Variants in ATXN1 observed in about 807,000 individuals in gnomAD.
The protein encoded by ATXN1 is ataxin 1, also known as ataxin-1.
ATXN1 carries 8 observed loss-of-function variants against 56.4 expected under a neutral mutation model. The observed-to-expected ratio is 0.14, with a 90% CI of 0.08 to 0.26. ATXN1 has a LOEUF of 0.26. Among genes scored for constraint, ATXN1 ranks in the 10% least tolerant of loss-of-function variants. The probability of loss-of-function intolerance (pLI) is 1.00; values close to 1 mark genes in which losing one functional copy is unlikely to be tolerated. For missense variants in ATXN1, 987 were observed against 1,106.5 expected (o/e 0.89, Z 1.53); for synonymous variants, 514 against 494.6 (o/e 1.04, Z -0.52).
chr6:16,416,730 A>C (rs56144015), intron 6 of ATXN1, among the ~76,000 whole-genome samples: 18,911 of 152,132 alleles, frequency 0.12, 1,347 homozygotes, highest in Non-Finnish European at 0.16. Context: ...ATCCCATCAC[A>C]TTTTCACCGC....
At chr6:16,356,943 A>T (rs1250799381) in intron 6 of ATXN1, among the ~76,000 whole-genome samples, 1 of 152,220 alleles carries the variant, frequency 6.6e-6, no homozygotes, top group Admixed American at 6.5e-5. Context: ...TAAAAAGCTA[A>T]TATGGAGGAC....
intron 6 of ATXN1, among the ~76,000 whole-genome samples, chr6:16,347,619 T>C (rs1298188592): frequency 6.6e-6 from 1 of 152,140 alleles, no homozygotes; most frequent in Non-Finnish European, 1.5e-5. Flanking sequence ...TGTATCTAGC[T>C]ACTCTGGTGG....
At chr6:16,635,222 C>T (rs954135731) in intron 3 of ATXN1, among the ~76,000 whole-genome samples, 18 of 152,182 alleles carry the variant, frequency 1.2e-4, no homozygotes, top group Admixed American at 1.2e-3. Context: ...CTGTCACTGT[C>T]TCCCATCACC....
chr6:16,342,253 C>T (rs1248900798), intron 6 of ATXN1, among the ~76,000 whole-genome samples: 1 of 152,010 alleles, frequency 6.6e-6, no homozygotes, highest in East Asian at 1.9e-4. Context: ...CGTGTTCTAA[C>T]CTCCTTTAAT....
At chr6:16,505,860 C>T (rs991184356) in intron 5 of ATXN1, among the ~76,000 whole-genome samples, 4 of 152,158 alleles carry the variant, frequency 2.6e-5, no homozygotes, top group African/African-American at 9.7e-5. Context: ...CTTCACTTGC[C>T]AGAGTAAATG....
intron 6 of ATXN1, among the ~76,000 whole-genome samples, chr6:16,468,251 T>G (rs759735851): frequency 6.6e-6 from 1 of 152,226 alleles, no homozygotes. Flanking sequence ...AGTGGCACGA[T>G]CTTGGCTCAC....
rs1207801448 is a variant in ATXN1 at position 16,304,308 on chromosome 6, T to G, written c.*2021A>C. 6.6e-6 allele frequency: 1 copy of G among 152,614 alleles called. No individual in the cohort carries two copies. Among genetic ancestry groups the G allele is most frequent in the Non-Finnish European group, 1.5e-5 (1 of 68,034 alleles). 9.5% of individuals were successfully genotyped at this position (152,614 alleles called of 1,614,324 possible). On this transcript the variant is annotated 3_prime_UTR_variant, in exon 8 of 8. Coordinates refer to ENST00000436367, the MANE Select transcript of ATXN1 (RefSeq NM_001128164.2). ...TCTCCCTACTTATAAAACTTTTTTT[T>G]AAAGCACTTTAAAGATGCATTCAAA...
At chr6:16,635,653 C>T (rs890850751) in intron 3 of ATXN1, among the ~76,000 whole-genome samples, 6 of 152,220 alleles carry the variant, frequency 3.9e-5, no homozygotes, top group African/African-American at 1.4e-4. Flanking sequence ...GGCAAAAACA[C>T]AGTCGTTATC....
intron 5 of ATXN1, among the ~76,000 whole-genome samples, chr6:16,505,818 A>G (rs142318620): frequency 5.9e-5 from 9 of 152,316 alleles, no homozygotes; most frequent in Non-Finnish European, 1.3e-4. Context: ...CTATGCGTCT[A>G]TCTTTTAAAC....
intron 5 of ATXN1, among the ~76,000 whole-genome samples, chr6:16,512,688 G>T (rs1381608854): frequency 1.3e-5 from 2 of 152,132 alleles, no homozygotes; most frequent in East Asian, 3.8e-4. Context: ...TAAAAGTTCT[G>T]CCCACAGATT....
chr6:16,386,715 GA>G (rs1758250193), intron 6 of ATXN1, among the ~76,000 whole-genome samples: 1 of 152,064 alleles, frequency 6.6e-6, no homozygotes, highest in Non-Finnish European at 1.5e-5. Flanking sequence ...AAGAAATGAA[GA>G]AACGCATATT....
At chr6:16,464,649 C>A (rs1030902692) in intron 6 of ATXN1, among the ~76,000 whole-genome samples, 1 of 151,782 alleles carries the variant, frequency 6.6e-6, no homozygotes, top group Non-Finnish European at 1.5e-5. Flanking sequence ...GAAACTTACA[C>A]GCATATTGCC....
chr6:16,465,682 G>A (rs1760091032), intron 6 of ATXN1, among the ~76,000 whole-genome samples: 1 of 152,098 alleles, frequency 6.6e-6, no homozygotes, highest in African/African-American at 2.4e-5. Context: ...AGAGCCACAA[G>A]CCTCCAGTTC....
chr6:16,346,946 G>GCTGTGGGCT (rs1413658691), intron 6 of ATXN1, among the ~76,000 whole-genome samples: 2 of 152,228 alleles, frequency 1.3e-5, no homozygotes, highest in Non-Finnish European at 2.9e-5. Context: ...GTTCCAGGTG[G>GCTGTGGGCT]CTGTGGGCTC....
chr6:16,342,957 C>T (rs1269481687), intron 6 of ATXN1, among the ~76,000 whole-genome samples: 1 of 152,148 alleles, frequency 6.6e-6, no homozygotes, highest in East Asian at 1.9e-4. Flanking sequence ...GATGGTTGAA[C>T]AAGAATGTGC....
At position 16,664,686 on chromosome 6, in the gene ATXN1, G is replaced by A. The variant is rs553082225; in HGVS notation, c.-614-6785C>T. On this transcript the variant is annotated intron_variant, in intron 2 of 7. Transcript: ENST00000436367. The stretch of plus-strand genomic sequence containing the variant: ...CCAGTGGACACAGGGTGTAGACACT[G>A]ACCAGACTAGGCCAGTGGTCCTCAC... 8.5e-5 allele frequency among the ~76,000 whole-genome samples: 13 copies of A among 152,114 alleles called. No individual in the cohort carries two copies. In the East Asian group the frequency reaches 2.5e-3, roughly 30 times the overall value.
chr6:16,715,491 G>A (rs529929543), intron 2 of ATXN1, among the ~76,000 whole-genome samples: 2 of 152,170 alleles, frequency 1.3e-5, no homozygotes, highest in East Asian at 3.9e-4. Flanking sequence ...CAGACTTCAG[G>A]CACTAGATGT....
chr6:16,567,128 A>C (rs143744419), intron 4 of ATXN1, among the ~76,000 whole-genome samples: 18 of 152,212 alleles, frequency 1.2e-4, no homozygotes, highest in African/African-American at 4.3e-4. Context: ...ACCCTTTCAA[A>C]GGTACTTGTC....
rs201004306 is a variant in ATXN1, at chr6:16,326,468, C to T, written c.1843G>A (p.Val615Ile). 71 of 1,614,164 alleles carry T rather than the reference C, an allele frequency of 4.4e-5. No individual in the cohort carries two copies. Among genetic ancestry groups the T allele is most frequent in the South Asian group, 5.5e-5 (5 of 91,076 alleles). ...SNDLKIDSST[V>I]ERIEDSHSPG... is the part of the protein sequence containing the mutation. ...CTATGGCTGTCTTCAATCCTCTCTACGGTGCTGGAGTCGATCTTCAGGTCG... is the reference window on the plus strand; with the variant it reads ...CTATGGCTGTCTTCAATCCTCTCTATGGTGCTGGAGTCGATCTTCAGGTCG... Residue 615 changes from valine to isoleucine, a missense_variant, in exon 7 of 8, where the codon GTA becomes ATA. Coordinates refer to ENST00000436367, the MANE Select transcript of ATXN1 (RefSeq NM_001128164.2). This position sits in a 1 kb window ranked among gnomAD's most constrained non-coding sequence, Gnocchi z 6.6.
Sources: allele counts gnomAD v4.1 joint callset (sites outside exome capture counted in the v4.1 genomes callset), GRCh38; gene constraint gnomAD v4.1.1; non-coding constraint Gnocchi (gnomAD v3.1); transcripts MANE v1.5; gene names NCBI Gene and HGNC (gene_info 2026-07-23, HGNC 2026-07-21).